NEK11: variants seen among roughly 807,000 people sequenced by gnomAD.
The protein encoded by NEK11 is serine/threonine-protein kinase Nek11.
A neutral mutation model predicts 80.7 loss-of-function variants in NEK11; 72 were observed. The observed-to-expected ratio is 0.89, with a 90% CI of 0.74 to 1.08. The LOEUF (loss-of-function observed/expected upper bound fraction) is 1.08. Among genes scored for constraint, NEK11 ranks in the 50% least tolerant of loss-of-function variants. The pLI is 0.00. For synonymous variants in NEK11, 251 were observed against 260.7 expected (o/e 0.96, Z 0.36); for missense variants, 764 against 763.6 (o/e 1.00, Z -0.01).
chr3:131,124,080 C>T (rs766722076), intron 5 of NEK11, among the ~76,000 whole-genome samples: 5 of 152,096 alleles, frequency 3.3e-5, no homozygotes, highest in Non-Finnish European at 5.9e-5. Context: ...AACACGACCA[C>T]GTATCCCGCC....
chr3:131,285,104 C>T (rs942678019), intron 17 of NEK11, among the ~76,000 whole-genome samples: 5 of 152,226 alleles, frequency 3.3e-5, no homozygotes, highest in African/African-American at 1.2e-4. Context: ...ATAAAAGCCT[C>T]ATGTCACAAG....
chr3:131,029,763 A>G lies in NEK11; in HGVS notation c.55A>G (p.Thr19Ala). 2 of 1,614,198 alleles carry G rather than the reference A, an allele frequency of 1.2e-6. No homozygotes were observed. The highest frequency in any genetic ancestry group is 1.7e-6 in the Non-Finnish European group (2 of 1,180,018). The change falls in exon 3 of 18, where the codon ACT becomes GCT. Residue 19 changes from threonine to alanine, a missense_variant. Thr to Ala is a moderately conservative substitution (Grantham distance 58). Coordinates refer to ENST00000383366, the MANE Select transcript of NEK11 (RefSeq NM_024800.5). ...KCVSGSTAIS[T>A]YPKTLIARRY... is the part of the protein sequence containing the mutation. ...TGTGAGTGGATCAACAGCCATTTCCACTTATCCAAAGACCTTGATTGCAAG... is the reference window on the plus strand; with the variant it reads ...TGTGAGTGGATCAACAGCCATTTCCGCTTATCCAAAGACCTTGATTGCAAG...
chr3:131,267,499 G>T (rs2096083151), intron 16 of NEK11, among the ~76,000 whole-genome samples: 2 of 152,210 alleles, frequency 1.3e-5, no homozygotes, highest in African/African-American at 4.8e-5. Flanking sequence ...TTTTATTTAA[G>T]AATGTTGAAT....
At chr3:131,178,151 C>T (rs1053598631) in intron 14 of NEK11, among the ~76,000 whole-genome samples, 8 of 152,134 alleles carry the variant, frequency 5.3e-5, no homozygotes, top group African/African-American at 1.9e-4. Flanking sequence ...ATGGAGCTTG[C>T]AGGACTGGAA....
chr3:131,221,107 G>T (rs192993931), intron 14 of NEK11, among the ~76,000 whole-genome samples: 33 of 152,262 alleles, frequency 2.2e-4, no homozygotes, highest in African/African-American at 7.7e-4. Context: ...CAATTTGAAA[G>T]TCCTTATCTC....
At chr3:131,028,992 T>C (rs2064374492) in intron 2 of NEK11, among the ~76,000 whole-genome samples, 1 of 152,194 alleles carries the variant, frequency 6.6e-6, no homozygotes. Flanking sequence ...CTGTTTTTAA[T>C]CCAGAGAGAT....
intron 16 of NEK11, among the ~76,000 whole-genome samples, chr3:131,258,252 A>T (rs2095852702): frequency 6.6e-6 from 1 of 152,058 alleles, no homozygotes; most frequent in South Asian, 2.1e-4. Flanking sequence ...AAATCTCAGA[A>T]ACCATCACTA....
intron 16 of NEK11, among the ~76,000 whole-genome samples, chr3:131,247,690 T>C (rs1040437553): frequency 1.3e-5 from 2 of 151,930 alleles, no homozygotes; most frequent in African/African-American, 4.8e-5. Context: ...GGGAATTGCA[T>C]TGAAGTCATT....
intron 9 of NEK11, chr3:131,154,819 T>C (rs1438091108): frequency 3.9e-6 from 2 of 507,836 alleles, no homozygotes; most frequent in Non-Finnish European, 7.1e-6. Context: ...CAGTGCAAGA[T>C]GAAGCTGGAG....
intron 17 of NEK11, among the ~76,000 whole-genome samples, chr3:131,342,916 T>G (rs1267330414): frequency 6.6e-6 from 1 of 152,052 alleles, no homozygotes; most frequent in East Asian, 1.9e-4. Flanking sequence ...CCTCAATTTT[T>G]AAAAAAGAAA....
intron 7 of NEK11, among the ~76,000 whole-genome samples, chr3:131,145,096 T>C (rs1200415682): frequency 6.6e-6 from 1 of 152,060 alleles, no homozygotes; most frequent in African/African-American, 2.4e-5. Flanking sequence ...CTCAAACTCC[T>C]GAGCTCAAGT....
chr3:131,087,474 C>T (rs1455028319), intron 4 of NEK11, among the ~76,000 whole-genome samples: 1 of 152,016 alleles, frequency 6.6e-6, no homozygotes, highest in Non-Finnish European at 1.5e-5. Context: ...CATCTCCTGA[C>T]CTTGTGATCC....
At chr3:131,184,250 G>A (rs1274325410) in intron 14 of NEK11, among the ~76,000 whole-genome samples, 1 of 152,158 alleles carries the variant, frequency 6.6e-6, no homozygotes, top group Non-Finnish European at 1.5e-5. Flanking sequence ...CTAGTTCTTT[G>A]TTACTCAAAG....
At chr3:131,078,056 A>G (rs1230638284) in intron 3 of NEK11, among the ~76,000 whole-genome samples, 1 of 152,200 alleles carries the variant, frequency 6.6e-6, no homozygotes, top group Admixed American at 6.5e-5. Context: ...GGCATAGTTG[A>G]GTCCTTGCCT....
intron 17 of NEK11, among the ~76,000 whole-genome samples, chr3:131,313,288 G>T (rs763215147): frequency 6.6e-6 from 1 of 152,148 alleles, no homozygotes; most frequent in African/African-American, 2.4e-5. Context: ...ATATACACAT[G>T]CATGTATCTT....
chr3:131,214,369 G>C (rs2094742252), intron 14 of NEK11, among the ~76,000 whole-genome samples: 1 of 152,128 alleles, frequency 6.6e-6, no homozygotes, highest in South Asian at 2.1e-4. Context: ...AGAACGAGTT[G>C]TCTTCTGCCT....
chr3:131,109,773 A>T, intron 4 of NEK11, 30 bp from the exon 5 acceptor site: 1 of 1,556,204 alleles, frequency 6.4e-7, no homozygotes, highest in Non-Finnish European at 8.6e-7. Context: ...TTAGCTGAAA[A>T]AATATGAAAG....
intron 7 of NEK11, among the ~76,000 whole-genome samples, chr3:131,144,000 C>G (rs1035424157): frequency 1.3e-5 from 2 of 152,092 alleles, no homozygotes; most frequent in Admixed American, 6.6e-5. Context: ...ACAAAACTTC[C>G]TAACCAACTA....
chr3:131,076,471 A>G (rs1339387353), intron 3 of NEK11, among the ~76,000 whole-genome samples: 1 of 152,206 alleles, frequency 6.6e-6, no homozygotes, highest in Non-Finnish European at 1.5e-5. Context: ...CCATTTAAGA[A>G]AGGCAGATAA....
Sources: gnomAD v4.1 joint callset for allele counts (sites outside exome capture counted in the v4.1 genomes callset) on GRCh38, gnomAD v4.1.1 for gene constraint, MANE v1.5 for transcripts, NCBI Gene and HGNC (gene_info 2026-07-23, HGNC 2026-07-21) for gene names.